Variants in LINGO1 observed in about 807,000 individuals in gnomAD.
LINGO1 encodes leucine-rich repeat and immunoglobulin-like domain-containing nogo receptor-interacting protein 1.
Under a neutral mutation model 37.3 loss-of-function variants are expected in LINGO1, and 11 were observed. The ratio of observed to expected loss-of-function variants is 0.29; its 90% CI spans 0.19 to 0.49. The LOEUF is 0.49. Among genes scored for constraint, LINGO1 ranks in the 20% least tolerant of loss-of-function variants. LINGO1 has a pLI of 0.99. For missense variants in LINGO1, 585 were observed against 878.2 expected, an observed-to-expected ratio of 0.67 and a Z score of 4.22; for synonymous variants, 387 against 403.0, an observed-to-expected ratio of 0.96 and a Z score of 0.48.
chr15:77,735,312 C>T (rs756584811), intron 1 of LINGO1, among the ~76,000 whole-genome samples: 41 of 152,310 alleles, frequency 2.7e-4, no homozygotes, highest in Non-Finnish European at 4.9e-4. Context: ...TTCAGGCACC[C>T]GCACAGCCCC....
At chr15:77,640,192 C>G (rs1317665417) in intron 3 of LINGO1, among the ~76,000 whole-genome samples, 1 of 152,190 alleles carries the variant, frequency 6.6e-6, no homozygotes, top group Non-Finnish European at 1.5e-5. Context: ...ACTCCTTTCC[C>G]TAGATAGGTG....
chr15:77,653,283 T>A (rs1022111744), intron 3 of LINGO1, among the ~76,000 whole-genome samples: 1 of 152,204 alleles, frequency 6.6e-6, no homozygotes, highest in Non-Finnish European at 1.5e-5. Context: ...TTGCCTGCTG[T>A]TCTTTCCCCA....
chr15:77,791,905 T>TA (rs2141446175), upstream of LINGO1, among the ~76,000 whole-genome samples: 1 of 152,094 alleles, frequency 6.6e-6, no homozygotes, highest in East Asian at 1.9e-4. Context: ...TCTGCAAAGT[T>TA]AGAGTAACAG....
At chr15:77,669,735 T>C (rs74833396) in intron 3 of LINGO1, among the ~76,000 whole-genome samples, 8,552 of 152,104 alleles carry the variant, frequency 0.056, 277 homozygotes, top group East Asian at 0.13. Context: ...AGGGAAGGAA[T>C]GAAAGTGAGT....
chr15:77,791,757 C>T (rs2076820203), upstream of LINGO1, among the ~76,000 whole-genome samples: 1 of 152,102 alleles, frequency 6.6e-6, no homozygotes, highest in African/African-American at 2.4e-5. Flanking sequence ...GGCCTAGTAC[C>T]AGCCTCACAC....
At chr15:77,722,387 A>G (rs2076059800) in intron 2 of LINGO1, among the ~76,000 whole-genome samples, 1 of 152,228 alleles carries the variant, frequency 6.6e-6, no homozygotes, top group Non-Finnish European at 1.5e-5. Flanking sequence ...TGGAGATGGC[A>G]GGAGGCAAGC....
At chr15:77,625,279 G>A (rs531231797) in intron 1 of LINGO1, among the ~76,000 whole-genome samples, 25 of 152,342 alleles carry the variant, frequency 1.6e-4, no homozygotes, top group African/African-American at 5.8e-4. Flanking sequence ...TGAGAATGAT[G>A]ATTGGTAAAC....
chr15:77,780,996 T>C (rs924426417), intron 1 of LINGO1, among the ~76,000 whole-genome samples: 1 of 152,234 alleles, frequency 6.6e-6, no homozygotes, highest in African/African-American at 2.4e-5. Context: ...CTGAAGGAGA[T>C]GAGGTTTTGG....
intron 2 of LINGO1, among the ~76,000 whole-genome samples, chr15:77,679,454 G>A (rs999809293): frequency 6.6e-6 from 1 of 152,158 alleles, no homozygotes; most frequent in Non-Finnish European, 1.5e-5. Flanking sequence ...TTGTGGAGGT[G>A]GTGATAGCTA....
At chr15:77,759,570 A>T (rs1422429196) in intron 1 of LINGO1, among the ~76,000 whole-genome samples, 1 of 152,250 alleles carries the variant, frequency 6.6e-6, no homozygotes, top group African/African-American at 2.4e-5. Context: ...CCAGCACACC[A>T]TAGGTGCTCA....
intron 1 of LINGO1, among the ~76,000 whole-genome samples, chr15:77,739,862 A>T (rs950413494): frequency 2.0e-5 from 3 of 152,228 alleles, no homozygotes; most frequent in Admixed American, 6.5e-5. Flanking sequence ...TGCTTCCTGG[A>T]GGTCTGTGCC....
rs529510215 is a variant in LINGO1, at chr15:77,812,475, G to A, written c.-458+7783C>T. On this transcript the variant is annotated intron_variant, in intron 1 of 5. Coordinates refer to the LINGO1 transcript ENST00000562933. ...CTGGAAGCAAAATAAGGAAGGTGGAGAATAGAGGGTGGAGGAGGTGGGCAA... is the reference window on the plus strand; with the variant it reads ...CTGGAAGCAAAATAAGGAAGGTGGAAAATAGAGGGTGGAGGAGGTGGGCAA... Among the ~76,000 whole-genome samples, 5 of 152,358 alleles carry A rather than the reference G, an allele frequency of 3.3e-5. No individual in the cohort carries two copies. In the South Asian group the frequency reaches 1.0e-3, roughly 32 times the overall value.
chr15:77,768,752 G>C (rs1401842970), intron 1 of LINGO1, among the ~76,000 whole-genome samples: 1 of 152,166 alleles, frequency 6.6e-6, no homozygotes, highest in East Asian at 1.9e-4. Flanking sequence ...CCCTGGGCCT[G>C]TCAGAGGACG....
At chr15:77,703,682 A>G (rs1399822517) in intron 2 of LINGO1, among the ~76,000 whole-genome samples, 2 of 152,176 alleles carry the variant, frequency 1.3e-5, no homozygotes, top group Non-Finnish European at 2.9e-5. Context: ...GGGCTGACAC[A>G]TTCCTTTAAT....
At chr15:77,818,891 C>T (rs907188502) in intron 1 of LINGO1, among the ~76,000 whole-genome samples, 6 of 151,800 alleles carry the variant, frequency 4.0e-5, no homozygotes, top group African/African-American at 1.5e-4. Flanking sequence ...GGCCCGCGCC[C>T]CCGCCCCACT....
At chr15:77,791,648 G>C (rs1222094101), upstream of LINGO1, among the ~76,000 whole-genome samples, 1 of 152,104 alleles carries the variant, frequency 6.6e-6, no homozygotes, top group African/African-American at 2.4e-5. Context: ...CCTGGAGGAA[G>C]GCCTGCAGTA....
At chr15:77,758,688 C>A (rs559367112) in intron 1 of LINGO1, among the ~76,000 whole-genome samples, 4 of 152,300 alleles carry the variant, frequency 2.6e-5, no homozygotes, top group African/African-American at 4.8e-5. Context: ...AAGCTGCTTA[C>A]CCTCTCTGTG....
intron 3 of LINGO1, among the ~76,000 whole-genome samples, chr15:77,646,855 C>G (rs372134857): frequency 1.3e-5 from 2 of 150,560 alleles, no homozygotes; most frequent in Non-Finnish European, 1.5e-5. Flanking sequence ...TCAACCCTTT[C>G]CCCTGGGACA....
intron 1 of LINGO1, among the ~76,000 whole-genome samples, chr15:77,749,849 G>T (rs2076353220): frequency 6.6e-6 from 1 of 152,194 alleles, no homozygotes; most frequent in African/African-American, 2.4e-5. Context: ...GCCAGCTTGA[G>T]GGCTGGTAAG....
Sources: gnomAD v4.1 joint callset for allele counts (sites outside exome capture counted in the v4.1 genomes callset) on GRCh38, gnomAD v4.1.1 for gene constraint, MANE v1.5 for transcripts, NCBI Gene and HGNC (gene_info 2026-07-23, HGNC 2026-07-21) for gene names.